The following KCTD1 variants were observed in gnomAD, a reference collection of about 807,000 sequenced individuals.
KCTD1 encodes potassium channel tetramerization domain containing 1.
Under a neutral mutation model 66.0 loss-of-function variants are expected in KCTD1, and 24 were observed. The observed-to-expected ratio is 0.36, with a 90% CI of 0.26 to 0.51. The LOEUF (loss-of-function observed/expected upper bound fraction) is 0.51. KCTD1 is among the 20% of genes least tolerant of loss of function. The probability of loss-of-function intolerance (pLI) is 0.95; values close to 1 mark genes in which losing one functional copy is unlikely to be tolerated. For synonymous variants in KCTD1, 511 were observed against 517.2 expected, an observed-to-expected ratio of 0.99 and a Z score of 0.16; for missense variants, 943 against 1,205.2, an observed-to-expected ratio of 0.78 and a Z score of 3.22.
chr18:26,583,765 A>T (rs1226510843), intron 1 of KCTD1, among the ~76,000 whole-genome samples: 1 of 152,232 alleles, frequency 6.6e-6, no homozygotes, highest in Non-Finnish European at 1.5e-5. Flanking sequence ...GTTTTAGGAA[A>T]TTTAAAAATA....
chr18:26,636,987 C>A (rs1022932404), intron 1 of KCTD1, among the ~76,000 whole-genome samples: 1 of 152,222 alleles, frequency 6.6e-6, no homozygotes, highest in Non-Finnish European at 1.5e-5. Flanking sequence ...AGCAGAGAAG[C>A]GGTGAAGCGG....
chr18:26,590,464 T>C (rs1305842584), intron 1 of KCTD1, among the ~76,000 whole-genome samples: 1 of 152,168 alleles, frequency 6.6e-6, no homozygotes, highest in Non-Finnish European at 1.5e-5. Flanking sequence ...GCCCAAAGCA[T>C]CCTAAGCAAA....
At chr18:26,461,583 G>A (rs1980428799) in intron 3 of KCTD1, among the ~76,000 whole-genome samples, 1 of 152,230 alleles carries the variant, frequency 6.6e-6, no homozygotes, top group African/African-American at 2.4e-5. Flanking sequence ...AGGGGTAGGA[G>A]TGGGGAAGCC....
intron 1 of KCTD1, among the ~76,000 whole-genome samples, chr18:26,646,590 C>A (rs1387743484): frequency 6.6e-6 from 1 of 152,046 alleles, no homozygotes; most frequent in Non-Finnish European, 1.5e-5. Flanking sequence ...GCTATATGAA[C>A]ACTTCAACTG....
upstream of KCTD1, among the ~76,000 whole-genome samples, chr18:26,633,994 A>G (rs777444774): frequency 1.2e-4 from 18 of 152,194 alleles, no homozygotes; most frequent in Admixed American, 7.9e-4. Flanking sequence ...ATCAAAAGGA[A>G]AGAACTACGC....
At chr18:26,508,004 A>G (rs1013389034) in intron 1 of KCTD1, among the ~76,000 whole-genome samples, 1 of 152,188 alleles carries the variant, frequency 6.6e-6, no homozygotes, top group African/African-American at 2.4e-5. Flanking sequence ...TAATCTTGGA[A>G]AAAAAATCCT....
chr18:26,647,933 A>C (rs961263256), intron 1 of KCTD1, among the ~76,000 whole-genome samples: 4 of 151,936 alleles, frequency 2.6e-5, no homozygotes, highest in Admixed American at 6.6e-5. Flanking sequence ...TCTGCCTCCC[A>C]GGTTCAAGTG....
chr18:26,472,465 T>C (rs1388501752), intron 3 of KCTD1, among the ~76,000 whole-genome samples: 4 of 152,238 alleles, frequency 2.6e-5, no homozygotes, highest in African/African-American at 9.6e-5. Context: ...TGCCTGCTCA[T>C]TGTAAAAACT....
At chr18:26,635,450 C>T (rs182225575) in intron 1 of KCTD1, among the ~76,000 whole-genome samples, 34 of 152,336 alleles carry the variant, frequency 2.2e-4, no homozygotes, top group Admixed American at 2.1e-3. Flanking sequence ...TGCTCCTGCG[C>T]GCTTGGCGTG....
intron 1 of KCTD1, among the ~76,000 whole-genome samples, chr18:26,536,736 C>T (rs1020585956): frequency 6.6e-6 from 1 of 152,180 alleles, no homozygotes; most frequent in African/African-American, 2.4e-5. Context: ...ACCTTGCACA[C>T]CGTAAGTGCT....
At chr18:26,498,713 C>T (rs186829016) in intron 2 of KCTD1, among the ~76,000 whole-genome samples, 1 of 151,684 alleles carries the variant, frequency 6.6e-6, no homozygotes, top group African/African-American at 2.4e-5. Context: ...TATGACACAG[C>T]GCAGGTAAAT....
chr18:26,461,829 T>G (rs1245578479), intron 3 of KCTD1, among the ~76,000 whole-genome samples: 1 of 152,202 alleles, frequency 6.6e-6, no homozygotes, highest in African/African-American at 2.4e-5. Flanking sequence ...TGAAAATATC[T>G]TATCGGCTGG....
intron 1 of KCTD1, among the ~76,000 whole-genome samples, chr18:26,628,667 C>T (rs778343005): frequency 2.0e-5 from 3 of 151,720 alleles, no homozygotes; most frequent in Non-Finnish European, 4.4e-5. Context: ...TAAATTAAAC[C>T]TTACTCAACT....
chr18:26,647,697 A>T (rs547030147), intron 1 of KCTD1, among the ~76,000 whole-genome samples: 7 of 152,210 alleles, frequency 4.6e-5, no homozygotes, highest in Non-Finnish European at 7.4e-5. Context: ...TTGGAATGGC[A>T]TTTCTGATAA....
chr18:26,465,336 A>G (rs891183192), intron 3 of KCTD1, among the ~76,000 whole-genome samples: 5 of 152,152 alleles, frequency 3.3e-5, no homozygotes, highest in Non-Finnish European at 7.4e-5. Flanking sequence ...TGCTCACCTC[A>G]GCCTCCCATA....
intron 1 of KCTD1, chr18:26,600,039 C>T: frequency 6.2e-7 from 1 of 1,611,452 alleles, no homozygotes; most frequent in Non-Finnish European, 8.5e-7. Flanking sequence ...GCATGGATCT[C>T]ATTGACTCAG....
chr18:26,621,506 A>G (rs527293692), intron 1 of KCTD1, among the ~76,000 whole-genome samples: 1 of 152,182 alleles, frequency 6.6e-6, no homozygotes, highest in Admixed American at 6.5e-5. Flanking sequence ...TGGAAAAACG[A>G]GACAAGCAGG....
intron 1 of KCTD1, among the ~76,000 whole-genome samples, chr18:26,610,830 A>G (rs1315700400): frequency 1.3e-5 from 2 of 152,010 alleles, no homozygotes; most frequent in African/African-American, 4.8e-5. Context: ...TGTTACCCTT[A>G]TTTTTATTCT....
chr18:26,548,425 C>A lies in KCTD1; in HGVS notation c.112G>T (p.Ala38Ser). Residue 38 changes from alanine to serine, a missense_variant, in exon 1 of 5, where the codon GCG (alanine) becomes TCG (serine). By Grantham distance (99) the Ala-to-Ser change is moderately conservative. Around this residue, in one of 10 missense-constraint regions of KCTD1, gnomAD observed 236 missense variants for 206.6 expected, o/e 1.14. Transcript: ENST00000580059. ...NGERGEGERG[A>S]GGRGRRHSRP... The stretch of plus-strand genomic sequence containing the variant: ...CTGTGGCGGCGGCCGCGGCCCCCCG[C>A]GCCGCGCTCGCCCTCGCCCCGCTCC... 1 of 1,422,514 alleles carries A rather than the reference C, an allele frequency of 7.0e-7. No individual in the cohort carries two copies. Among genetic ancestry groups the A allele is most frequent in the Non-Finnish European group, 9.2e-7 (1 of 1,086,414 alleles). The allele number at this position is 1,422,514 out of a possible 1,614,324, so 88.1% of individuals were successfully genotyped here.
Sources: allele counts gnomAD v4.1 joint callset (sites outside exome capture counted in the v4.1 genomes callset), GRCh38; gene constraint gnomAD v4.1.1; regional missense constraint gnomAD v4.1.1; transcripts MANE v1.5; gene names NCBI Gene and HGNC (gene_info 2026-07-23, HGNC 2026-07-21).